The following BAIAP2 variants were observed in gnomAD, a reference collection of about 807,000 sequenced individuals.
BAIAP2 encodes BAR/IMD domain containing adaptor protein 2, also known as BAR/IMD domain-containing adapter protein 2.
A neutral mutation model predicts 63.0 loss-of-function variants in BAIAP2; 18 were observed. The ratio of observed to expected loss-of-function variants is 0.29; its 90% CI spans 0.20 to 0.42. The LOEUF is 0.42. Among genes scored for constraint, BAIAP2 ranks in the 10% least tolerant of loss-of-function variants. The pLI is 1.00. For missense variants in BAIAP2, 610 were observed against 734.3 expected (o/e 0.83, Z 1.96); for synonymous variants, 386 against 307.6 (o/e 1.25, Z -2.67).
At chr17:81,051,971 C>T (rs576628068) in intron 1 of BAIAP2, among the ~76,000 whole-genome samples, 231 of 152,294 alleles carry the variant, frequency 1.5e-3, no homozygotes, top group African/African-American at 5.3e-3. Flanking sequence ...ATTATACGTG[C>T]GAGCCACCGC....
intron 9 of BAIAP2, 80 bp downstream of exon 9, chr17:81,104,188 T>G: frequency 6.9e-7 from 1 of 1,458,788 alleles, no homozygotes; most frequent in Non-Finnish European, 9.5e-7. Flanking sequence ...CAACCCTCAA[T>G]AGGGGCCTGG....
chr17:81,075,527 G>C (rs555626930), intron 3 of BAIAP2, among the ~76,000 whole-genome samples: 1 of 152,186 alleles, frequency 6.6e-6, no homozygotes, highest in Admixed American at 6.5e-5. Flanking sequence ...AATCCTTCTC[G>C]TTCATCTGCT....
At chr17:81,044,938 C>T (rs1598496334) in intron 1 of BAIAP2, among the ~76,000 whole-genome samples, 1 of 152,190 alleles carries the variant, frequency 6.6e-6, no homozygotes, top group South Asian at 2.1e-4. Context: ...AGTTCTGTGA[C>T]CCGGGCCAGG....
At chr17:81,062,562 G>A (rs1050983298) in intron 3 of BAIAP2, among the ~76,000 whole-genome samples, 2 of 152,240 alleles carry the variant, frequency 1.3e-5, no homozygotes, top group African/African-American at 2.4e-5. Flanking sequence ...CTGCTCCCTC[G>A]TGGGCTGCTC....
intron 3 of BAIAP2, among the ~76,000 whole-genome samples, chr17:81,070,711 AG>A (rs1568112501): frequency 6.6e-6 from 1 of 152,098 alleles, no homozygotes; most frequent in Non-Finnish European, 1.5e-5. Context: ...TGTGTCACGT[AG>A]GGGCCCTCTG....
chr17:81,044,297 G>A (rs997448919), intron 1 of BAIAP2, among the ~76,000 whole-genome samples: 1 of 152,230 alleles, frequency 6.6e-6, no homozygotes, highest in Non-Finnish European at 1.5e-5. Context: ...CAGGCCAGGC[G>A]GTGACCAGAC....
chr17:81,057,952 G>A lies in BAIAP2; in HGVS notation c.202G>A (p.Gly68Ser). The A allele has an allele frequency of 1.3e-6, 2 of 1,539,372 alleles. No homozygotes were observed. Among genetic ancestry groups the A allele is most frequent in the African/African-American group, 1.4e-5 (1 of 71,218 alleles). Reference protein sequence around the residue: ...KMGELASESQGSKELGDVLFQ... With the variant: ...KMGELASESQSSKELGDVLFQ... ...GGGGGAGCTGGCCAGCGAGAGCCAG[G>A]GCTCCAAAGAACTCGGTGAGACCCC... Residue 68 changes from glycine to serine, a missense_variant, in exon 3 of 14, where the codon GGC (glycine) becomes AGC (serine). Around this residue, in one of 5 missense-constraint regions of BAIAP2, gnomAD observed 389 missense variants for 455.6 expected, o/e 0.85. Transcript: ENST00000428708.
In BAIAP2 at chr17:81,110,308, G is replaced by A. The variant is rs538779427; in HGVS notation, c.1535+1799G>A. 2.4e-3 allele frequency: 2,416 copies of A among 986,178 alleles called. 8 individuals carry two copies. The highest frequency in any genetic ancestry group is 2.8e-3 in the Non-Finnish European group (2,338 of 830,210). 61.1% of individuals were successfully genotyped at this position (986,178 alleles called of 1,614,324 possible). A position where few individuals can be genotyped will look rare whatever the true frequency, so the allele number is the denominator to read the frequency against. ...CCGGGCCCTGTGTAGAGACCCTTCCGCGCCGGCGTTCCCGCTCCGCTAAAG... is the reference window on the plus strand; with the variant it reads ...CCGGGCCCTGTGTAGAGACCCTTCCACGCCGGCGTTCCCGCTCCGCTAAAG... On this transcript the variant is annotated intron_variant, in intron 13 of 13. Coordinates refer to ENST00000428708, the MANE Select transcript of BAIAP2 (RefSeq NM_001144888.2).
rs144405641 is a variant in BAIAP2, at chr17:81,040,075, G to T, written c.54+4767G>T. On this transcript the variant is annotated intron_variant, in intron 1 of 13. Coordinates refer to ENST00000428708, the MANE Select transcript of BAIAP2 (RefSeq NM_001144888.2). ...CAGCTGCCCTGGGCTAGTGTTGCCT[G>T]TGGGTGCCACCATGGGTGGGGACAC... Among the ~76,000 whole-genome samples the T allele has an allele frequency of 3.5e-3, 532 of 152,340 alleles. 4 individuals carry two copies. The highest frequency in any genetic ancestry group is 0.012 in the African/African-American group (508 of 41,576).
At chr17:81,039,554 G>A (rs2046801416) in intron 1 of BAIAP2, among the ~76,000 whole-genome samples, 1 of 152,234 alleles carries the variant, frequency 6.6e-6, no homozygotes, top group Non-Finnish European at 1.5e-5. Flanking sequence ...CCTTGAGCAA[G>A]TATTCTTCGT....
At chr17:81,108,850 A>AG in intron 13 of BAIAP2, 11 of 1,422,622 alleles carry the variant, frequency 7.7e-6, no homozygotes, top group Non-Finnish European at 1.0e-5. Flanking sequence ...GTCTTCCTGG[A>AG]GGGTCAGGAG....
intron 1 of BAIAP2, among the ~76,000 whole-genome samples, chr17:81,052,670 A>G (rs1273175317): frequency 6.6e-6 from 1 of 151,986 alleles, no homozygotes; most frequent in Non-Finnish European, 1.5e-5. Flanking sequence ...TTGTCCCTAA[A>G]TGCCCTTTCT....
intron 1 of BAIAP2, among the ~76,000 whole-genome samples, chr17:81,049,264 GCT>G (rs2048303554): frequency 6.6e-6 from 1 of 152,214 alleles, no homozygotes; most frequent in Non-Finnish European, 1.5e-5. Flanking sequence ...CCCCTGGGGA[GCT>G]CTCTCTGTGC....
At chr17:81,036,728 T>G (rs892461940) in intron 1 of BAIAP2, 7 of 724,084 alleles carry the variant, frequency 9.7e-6, no homozygotes, top group African/African-American at 7.1e-5. Context: ...GCCCTGGGGT[T>G]GTTAGGTTTG....
intron 1 of BAIAP2, among the ~76,000 whole-genome samples, chr17:81,039,813 C>T (rs2046838585): frequency 6.6e-6 from 1 of 152,154 alleles, no homozygotes; most frequent in Non-Finnish European, 1.5e-5. Context: ...GATAGGTGGT[C>T]TTGCAGGGGA....
intron 3 of BAIAP2, among the ~76,000 whole-genome samples, chr17:81,072,778 G>A (rs937661576): frequency 6.6e-6 from 1 of 151,946 alleles, no homozygotes; most frequent in Admixed American, 6.6e-5. Context: ...TTGGAGGTGG[G>A]TGTATGAGAA....
At chr17:81,110,686 C>CG (rs1346382408) in intron 13 of BAIAP2, among the ~76,000 whole-genome samples, 6 of 152,194 alleles carry the variant, frequency 3.9e-5, no homozygotes, top group African/African-American at 9.7e-5. Context: ...CCGGGCTCTG[C>CG]GGGGGGCCGT....
rs532038090 is a variant in BAIAP2 at position 81,037,008 on chromosome 17, G to A, written c.54+1700G>A. The A allele has an allele frequency of 3.0e-5, 44 of 1,476,776 alleles. No homozygotes were observed. The South Asian group carries it at 3.6e-4, about 12-fold the overall frequency. The allele number at this position is 1,476,776 out of a possible 1,614,324, so 91.5% of individuals were successfully genotyped here. A position where few individuals can be genotyped will look rare whatever the true frequency, so the allele number is the denominator to read the frequency against. On this transcript the variant is annotated intron_variant, in intron 1 of 13. Transcript: ENST00000428708. ...GCTCTGGGGGACCGACCCCGTGATC[G>A]TCCTTAATAAAACTCTCCTAACCGG...
chr17:81,076,662 C>T (rs910604132), intron 3 of BAIAP2, among the ~76,000 whole-genome samples: 14 of 152,128 alleles, frequency 9.2e-5, no homozygotes, highest in Non-Finnish European at 1.9e-4. Context: ...AGAAACGCCT[C>T]GTGTATCCAT....
Sources: allele counts gnomAD v4.1 joint callset (sites outside exome capture counted in the v4.1 genomes callset), GRCh38; gene constraint gnomAD v4.1.1; regional missense constraint gnomAD v4.1.1; transcripts MANE v1.5; gene names NCBI Gene and HGNC (gene_info 2026-07-23, HGNC 2026-07-21).